Variants in NIBAN3 observed in about 807,000 individuals in gnomAD.
NIBAN3 encodes niban apoptosis regulator 3, also known as protein Niban 3.
NIBAN3 carries 66 observed loss-of-function variants against 76.4 expected under a neutral mutation model. The observed-to-expected ratio is 0.86, with a 90% CI of 0.71 to 1.06. The LOEUF (loss-of-function observed/expected upper bound fraction) is 1.06. Ranked by LOEUF, NIBAN3 falls within the 50% of genes least tolerant of loss-of-function variation. NIBAN3 has a pLI of 0.00. For missense variants in NIBAN3, 808 were observed against 810.7 expected, an observed-to-expected ratio of 1.00 and a Z score of 0.04; for synonymous variants, 360 against 355.2, an observed-to-expected ratio of 1.01 and a Z score of -0.15.
chr19:17,533,484 G>T (rs1369762295), intron 3 of NIBAN3, 103 bp from the exon 4 acceptor site: 11 of 702,412 alleles, frequency 1.6e-5, no homozygotes, highest in Non-Finnish European at 2.7e-5. Context: ...GAGGGGCAGA[G>T]GATTTTTCAG....
At chr19:17,531,035 C>A in intron 2 of NIBAN3, 150 bp downstream of exon 2, 3 of 974,652 alleles carry the variant, frequency 3.1e-6, no homozygotes, top group South Asian at 3.9e-5. Flanking sequence ...ACTGAGCAGC[C>A]AAGCAAGGTG....
chr19:17,527,066 CCCT>C (rs1402744743), upstream of NIBAN3, among the ~76,000 whole-genome samples: 3 of 152,152 alleles, frequency 2.0e-5, no homozygotes, highest in Admixed American at 2.0e-4. Context: ...TGCCCTGCCA[CCCT>C]CCTCCAAGAC....
chr19:17,551,151 A>G (rs2076148800), intron 14 of NIBAN3, among the ~76,000 whole-genome samples: 1 of 151,796 alleles, frequency 6.6e-6, no homozygotes, highest in African/African-American at 2.4e-5. Context: ...GCTGGAGTGC[A>G]GTGGCAGCAT....
At chr19:17,533,089 A>G (rs1412532749) in intron 3 of NIBAN3, among the ~76,000 whole-genome samples, 3 of 152,152 alleles carry the variant, frequency 2.0e-5, no homozygotes, top group East Asian at 3.9e-4. Flanking sequence ...CCTGGCCAAC[A>G]TGGTGAAACT....
rs1057364989 is a variant in NIBAN3 at position 17,553,294 on chromosome 19, T to C, written c.*1396T>C. The C allele has an allele frequency of 1.2e-6, 2 of 1,610,102 alleles. No individual in the cohort carries two copies. Among genetic ancestry groups the C allele is most frequent in the Admixed American group, 3.3e-5 (2 of 59,830 alleles). Reference sequence around the variant, plus strand: ...TTTTTTTCTCCGCTTGCTGTGAGCCTTTTGGGTTTGTTTCCTAGCTCCAAA... The same window carrying C: ...TTTTTTTCTCCGCTTGCTGTGAGCCCTTTGGGTTTGTTTCCTAGCTCCAAA... On this transcript the variant is annotated 3_prime_UTR_variant, in exon 15 of 15. Transcript: ENST00000599164.
upstream of NIBAN3, among the ~76,000 whole-genome samples, chr19:17,524,127 G>A (rs1016184156): frequency 2.0e-5 from 3 of 151,914 alleles, no homozygotes; most frequent in Admixed American, 6.6e-5. Context: ...CTGACCTCAA[G>A]CGATCCACTT....
At chr19:17,524,562 G>A (rs1392175650), upstream of NIBAN3, among the ~76,000 whole-genome samples, 1 of 152,210 alleles carries the variant, frequency 6.6e-6, no homozygotes, top group African/African-American at 2.4e-5. Flanking sequence ...TGGGATTACA[G>A]GCTTGAGCCA....
chr19:17,550,846 T>TA (rs2076142877), intron 14 of NIBAN3, among the ~76,000 whole-genome samples: 1 of 131,290 alleles, frequency 7.6e-6, no homozygotes, highest in African/African-American at 3.5e-5. Context: ...GTACATACTT[T>TA]TTTTTTTTTT....
intron 4 of NIBAN3, among the ~76,000 whole-genome samples, chr19:17,534,007 G>C (rs1393891654): frequency 1.3e-5 from 2 of 152,194 alleles, no homozygotes; most frequent in Non-Finnish European, 2.9e-5. Context: ...GGAGAGTTAG[G>C]TCATGGGACC....
At chr19:17,550,978 C>A (rs944525127) in intron 14 of NIBAN3, among the ~76,000 whole-genome samples, 1 of 151,492 alleles carries the variant, frequency 6.6e-6, no homozygotes, top group Non-Finnish European at 1.5e-5. Flanking sequence ...CACTGGTGCC[C>A]CTCACCTTTG....
chr19:17,529,987 G>A (rs2075683413), intron 1 of NIBAN3, among the ~76,000 whole-genome samples: 1 of 151,946 alleles, frequency 6.6e-6, no homozygotes, highest in South Asian at 2.1e-4. Flanking sequence ...CTTGAGCCCA[G>A]GAGGTCAAGG....
chr19:17,542,168 G>C lies in NIBAN3; in HGVS notation c.1203G>C (p.Leu401Phe). 6.2e-7 allele frequency: 1 copy of C among 1,614,186 alleles called. No individual in the cohort carries two copies. Among genetic ancestry groups the C allele is most frequent in the Non-Finnish European group, 8.5e-7 (1 of 1,180,038 alleles). The change falls in exon 10 of 15, where the codon TTG (leucine) becomes TTC (phenylalanine). Residue 401 changes from leucine (L) to phenylalanine (F), a missense_variant. Physicochemically the swap from Leu to Phe is conservative, Grantham distance 22 (BLOSUM62 0). Transcript: ENST00000599164. This position sits in a 1 kb window ranked among gnomAD's most constrained non-coding sequence, Gnocchi z 4.8. ...CATTTGGGGAGATGCCGTGGGACTT[G>C]GCGCTGATGCAGACATGCTACCGTG... ...VYSFGEMPWDLALMQTCYREA... is the reference protein window; with the variant it reads ...VYSFGEMPWDFALMQTCYREA...
chr19:17,554,556 G>A (rs889099208), downstream of NIBAN3, among the ~76,000 whole-genome samples: 2 of 151,714 alleles, frequency 1.3e-5, no homozygotes, highest in Non-Finnish European at 2.9e-5. Flanking sequence ...GGCTGAGGTG[G>A]GCGGATCAGG....
chr19:17,547,634 T>TGA (rs1384467524), intron 13 of NIBAN3, among the ~76,000 whole-genome samples: 2 of 150,440 alleles, frequency 1.3e-5, no homozygotes. Flanking sequence ...ATTACAGGCG[T>TGA]GAGCCACCGC....
chr19:17,537,511 C>T lies in NIBAN3; in HGVS notation c.563C>T (p.Ala188Val). 1 of 1,605,804 alleles carries T rather than the reference C, an allele frequency of 6.2e-7. No individual in the cohort carries two copies. Among genetic ancestry groups the T allele is most frequent in the Non-Finnish European group, 8.5e-7 (1 of 1,178,544 alleles). Residue 188 changes from alanine (A) to valine (V), a missense_variant, in exon 5 of 15, where the codon GCC (alanine) becomes GTC (valine). By Grantham distance (64) the Ala-to-Val change is moderately conservative (BLOSUM62 0). Coordinates refer to ENST00000599164, the MANE Select transcript of NIBAN3 (RefSeq NM_001321827.2). ...GAGGCACAGCATGCCTGGAGGCTGG[C>T]CCTGCAGGGTGGCATCCGGCTTCAG... The part of the protein sequence containing the change: ...TREAQHAWRL[A>V]LQGGIRLQGI...
chr19:17,551,448 C>T (rs2076154962), intron 14 of NIBAN3, among the ~76,000 whole-genome samples: 1 of 150,074 alleles, frequency 6.7e-6, no homozygotes, highest in Admixed American at 6.7e-5. Flanking sequence ...GCTCTTGTCA[C>T]CCGGGCTGGA....
chr19:17,538,080 G>A (rs2075857657), intron 5 of NIBAN3, among the ~76,000 whole-genome samples: 2 of 152,044 alleles, frequency 1.3e-5, no homozygotes, highest in Non-Finnish European at 2.9e-5. Flanking sequence ...ATGGGGGTTA[G>A]AGCAGGCTTC....
intron 5 of NIBAN3, among the ~76,000 whole-genome samples, chr19:17,537,921 G>C (rs1231338231): frequency 6.6e-6 from 1 of 151,306 alleles, no homozygotes. Flanking sequence ...ACTCCAGCCT[G>C]GGCAACAAGA....
chr19:17,539,369 G>T lies in NIBAN3; in HGVS notation c.734G>T (p.Arg245Leu), dbSNP rs1227189124. ...DAEVLTAVLM[R>L]EQLPALRAQT... Reference sequence around the variant, plus strand: ...CAGGTGCTGACCGCGGTGCTGATGCGGGAGCAACTTCCCGCGCTGCGAGCC... The same window carrying T: ...CAGGTGCTGACCGCGGTGCTGATGCTGGAGCAACTTCCCGCGCTGCGAGCC... Residue 245 changes from arginine to leucine, a missense_variant, in exon 7 of 15, where the codon CGG (arginine) becomes CTG (leucine). Physicochemically the swap from Arg to Leu is moderately radical, Grantham distance 102. Coordinates refer to ENST00000599164, the MANE Select transcript of NIBAN3 (RefSeq NM_001321827.2). 1 of 1,543,746 alleles carries T rather than the reference G, an allele frequency of 6.5e-7. No individual in the cohort carries two copies. Among genetic ancestry groups the T allele is most frequent in the Non-Finnish European group, 8.7e-7 (1 of 1,146,688 alleles).
Sources: gnomAD v4.1 joint callset for allele counts (sites outside exome capture counted in the v4.1 genomes callset) on GRCh38, gnomAD v4.1.1 for gene constraint, Gnocchi (gnomAD v3.1) non-coding constraint, MANE v1.5 for transcripts, NCBI Gene and HGNC (gene_info 2026-07-23, HGNC 2026-07-21) for gene names.